Variants in ASIP observed in about 807,000 individuals in gnomAD.
ASIP encodes agouti signaling protein, also known as agouti-signaling protein.
ASIP carries 11 observed loss-of-function variants against 10.3 expected under a neutral mutation model. That is an observed-to-expected ratio of 1.07 (90% CI 0.68 to 1.78). The LOEUF is 1.78. Among genes scored for constraint, ASIP ranks in the 40% most tolerant of loss-of-function variants. ASIP has a pLI of 0.00. For missense variants in ASIP, 180 were observed against 169.2 expected (o/e 1.06, Z -0.35); for synonymous variants, 70 against 70.8 (o/e 0.99, Z 0.06).
chr20:34,260,225 C>T (rs1476832720), intron 1 of ASIP, 140 bp from the exon 2 acceptor site: 1 of 786,356 alleles, frequency 1.3e-6, no homozygotes, highest in Non-Finnish European at 2.0e-6. Flanking sequence ...CCATCCTAAG[C>T]CTTGCTAATC....
At chr20:34,259,633 C>A (rs980067465) in intron 1 of ASIP, among the ~76,000 whole-genome samples, 1 of 151,952 alleles carries the variant, frequency 6.6e-6, no homozygotes. Context: ...GTAGCCCTAG[C>A]TACTGGGGCA....
At chr20:34,268,898 G>A (rs1322380438) in intron 3 of ASIP, 93 bp from the exon 4 acceptor site, 14 of 1,481,020 alleles carry the variant, frequency 9.5e-6, no homozygotes, top group East Asian at 2.5e-5. Context: ...CCTCTGGTCC[G>A]GGATCTCCCT....
chr20:34,197,755 C>A (rs554869969), intron 1 of ASIP, among the ~76,000 whole-genome samples: 1 of 152,120 alleles, frequency 6.6e-6, no homozygotes, highest in Non-Finnish European at 1.5e-5. Flanking sequence ...ACCCAGACTC[C>A]GCAAGGTCAT....
At chr20:34,264,857 A>G (rs2035758102) in intron 3 of ASIP, among the ~76,000 whole-genome samples, 1 of 134,308 alleles carries the variant, frequency 7.4e-6, no homozygotes, top group Non-Finnish European at 1.5e-5. Flanking sequence ...GTGCAGTGGC[A>G]CCATCTCGGC....
chr20:34,248,378 T>C (rs935759168), intron 1 of ASIP, among the ~76,000 whole-genome samples: 1 of 152,184 alleles, frequency 6.6e-6, no homozygotes, highest in African/African-American at 2.4e-5. Flanking sequence ...TTTTAAGTTA[T>C]AAAAATCCCA....
At chr20:34,249,772 T>G (rs1400357843) in intron 1 of ASIP, among the ~76,000 whole-genome samples, 1 of 152,182 alleles carries the variant, frequency 6.6e-6, no homozygotes. Flanking sequence ...TATTCACATA[T>G]GCAGAACATA....
intron 1 of ASIP, among the ~76,000 whole-genome samples, chr20:34,257,064 C>CTCTTTTTTTTTT (rs1568767637): frequency 1.3e-4 from 16 of 125,566 alleles, no homozygotes; most frequent in East Asian, 4.4e-4. Flanking sequence ...CTCTCTCTTT[C>CTCTTTTTTTTTT]TTTCTCTTTT....
At chr20:34,187,425 C>T in the ASIP span, among the ~76,000 whole-genome samples, 1 of 152,194 alleles carries the variant, frequency 6.6e-6, no homozygotes, top group African/African-American at 2.4e-5. Flanking sequence ...AATCAATCCC[C>T]TGCTCCAGGC....
At chr20:34,219,653 AAG>A (rs1466333889) in intron 1 of ASIP, among the ~76,000 whole-genome samples, 1 of 152,256 alleles carries the variant, frequency 6.6e-6, no homozygotes, top group Non-Finnish European at 1.5e-5. Flanking sequence ...ACTAGAATAA[AAG>A]TGCTCAGTTA....
chr20:34,269,133 C>T lies in ASIP; in HGVS notation c.365C>T (p.Ala122Val), dbSNP rs1386365560. 1.9e-6 allele frequency: 3 copies of T among 1,551,756 alleles called. No homozygotes were observed. In the Admixed American group the frequency reaches 5.8e-5, roughly 30 times the overall value. ...ASCQCRFFRS[A>V]CSCRVLSLNC ...TGCCAGTGCCGCTTCTTCCGCAGCG[C>T]CTGCTCCTGCCGCGTGCTCAGCCTC... Residue 122 changes from alanine (A) to valine (V), a missense_variant, in exon 4 of 4, where the codon GCC (alanine) becomes GTC (valine). By Grantham distance (64) the Ala-to-Val change is moderately conservative. Coordinates refer to ENST00000374954, the MANE Select transcript of ASIP (RefSeq NM_001672.3).
At position 34,198,873 on chromosome 20, in the gene ASIP, C is replaced by T. The variant is rs1446531466; in HGVS notation, c.-11+4113C>T. ...TCACTATGTGAACACTCCCAGAAAACTAGAATCTAGATCTAGAAACAGAGC... is the reference window on the plus strand; with the variant it reads ...TCACTATGTGAACACTCCCAGAAAATTAGAATCTAGATCTAGAAACAGAGC... On this transcript the variant is annotated intron_variant, in intron 1 of 3. Coordinates refer to the ASIP transcript ENST00000568305. Among the ~76,000 whole-genome samples, 3 of 152,196 alleles carry T rather than the reference C, an allele frequency of 2.0e-5. 1 individual carries two copies. The highest frequency in any genetic ancestry group is 4.4e-5 in the Non-Finnish European group (3 of 68,032).
At chr20:34,191,673 TTTCCTTCCCTCCC>T (rs1488716659), upstream of ASIP, among the ~76,000 whole-genome samples, 3 of 151,998 alleles carry the variant, frequency 2.0e-5, no homozygotes, top group Non-Finnish European at 2.9e-5. Context: ...CTTCGCTTTA[TTTCCTTCCCTCCC>T]TTCCTTCCCT....
chr20:34,203,430 C>G (rs1010338018), intron 1 of ASIP, among the ~76,000 whole-genome samples: 2 of 121,276 alleles, frequency 1.6e-5, no homozygotes, highest in Admixed American at 7.6e-5. Flanking sequence ...CACGGTTTCA[C>G]TCTGTCACTC....
intron 1 of ASIP, chr20:34,215,906 C>A (rs1298746202): frequency 1.1e-6 from 1 of 902,862 alleles, no homozygotes; most frequent in Non-Finnish European, 1.9e-6. Context: ...TGCTGCTATA[C>A]TTGGAGTTTT....
chr20:34,267,540 A>AT (rs2035808515), intron 3 of ASIP, among the ~76,000 whole-genome samples: 4 of 138,114 alleles, frequency 2.9e-5, no homozygotes, highest in South Asian at 4.6e-4. Context: ...TTATTTATTT[A>AT]TTTTTTTTGA....
intron 1 of ASIP, among the ~76,000 whole-genome samples, chr20:34,243,615 A>G (rs1213393584): frequency 2.0e-5 from 3 of 152,132 alleles, no homozygotes; most frequent in Non-Finnish European, 4.4e-5. Flanking sequence ...CCAACAGAAT[A>G]CATATGTAAC....
At chr20:34,235,728 G>A (rs1188231206) in intron 1 of ASIP, among the ~76,000 whole-genome samples, 1 of 146,954 alleles carries the variant, frequency 6.8e-6, no homozygotes, top group African/African-American at 2.5e-5. Flanking sequence ...TGGCTGAAGT[G>A]GGCTCATGAT....
chr20:34,269,236 C>G lies in ASIP; in HGVS notation c.*69C>G. 1 of 1,422,960 alleles carries G rather than the reference C, an allele frequency of 7.0e-7. No individual in the cohort carries two copies. The highest frequency in any genetic ancestry group is 1.5e-5 in the South Asian group (1 of 66,684). 88.1% of individuals were successfully genotyped at this position (1,422,960 alleles called of 1,614,324 possible). On this transcript the variant is annotated 3_prime_UTR_variant, in exon 4 of 4. Transcript: ENST00000374954. ...CGGGGCGCTTCTCGGGCGGGTGATC[C>G]CTAACAGGGCGGCTTCCCAGGGCTG...
At chr20:34,205,358 G>A (rs1178476053) in intron 1 of ASIP, among the ~76,000 whole-genome samples, 1 of 151,536 alleles carries the variant, frequency 6.6e-6, no homozygotes, top group Non-Finnish European at 1.5e-5. Context: ...GCAGACCTTC[G>A]TGGTGAGTGT....
Sources: gnomAD v4.1 joint callset for allele counts (sites outside exome capture counted in the v4.1 genomes callset) on GRCh38, gnomAD v4.1.1 for gene constraint, MANE v1.5 for transcripts, NCBI Gene and HGNC (gene_info 2026-07-23, HGNC 2026-07-21) for gene names.